Variants in ERP44 observed in about 807,000 individuals in gnomAD.
ERP44 encodes endoplasmic reticulum resident protein 44.
ERP44 carries 25 observed loss-of-function variants against 53.4 expected under a neutral mutation model. That is an observed-to-expected ratio of 0.47 (90% CI 0.34 to 0.65). The LOEUF (loss-of-function observed/expected upper bound fraction) is 0.65. ERP44 is among the 30% of genes least tolerant of loss of function. The pLI is 0.01. For synonymous variants in ERP44, 145 were observed against 161.2 expected (o/e 0.90, Z 0.76); for missense variants, 338 against 493.2 (o/e 0.69, Z 2.98).
chr9:100,025,150 C>T (rs979532436), intron 4 of ERP44, among the ~76,000 whole-genome samples: 1 of 152,114 alleles, frequency 6.6e-6, no homozygotes, highest in African/African-American at 2.4e-5. Flanking sequence ...AGCCTTTCCA[C>T]AAAGAAAACT....
At position 100,022,093 on chromosome 9, in the gene ERP44, T is replaced by C. The variant is rs1587965525; in HGVS notation, c.420A>G (p.Lys140=). Residue 140 remains lysine (K), a synonymous_variant, in exon 5 of 12, where the codon AAA becomes AAG. Transcript: ENST00000262455. The part of the protein sequence containing the change: ...KALADYIRQQ[K]SDPIQEIRDL... ...CCCGAATTTCTTGAATGGGGTCACT[T>C]TTTTGTTGCCTGATGTAATCTGCCA... is the stretch of plus-strand genomic sequence containing the variant. 1.9e-6 allele frequency: 3 copies of C among 1,613,944 alleles called. No homozygotes were observed. Among genetic ancestry groups the C allele is most frequent in the Non-Finnish European group, 2.5e-6 (3 of 1,179,910 alleles).
chr9:99,989,895 G>T (rs1318765967), intron 10 of ERP44, among the ~76,000 whole-genome samples: 1 of 152,166 alleles, frequency 6.6e-6, no homozygotes, highest in Admixed American at 6.5e-5. Context: ...TACAGTAGCC[G>T]ATTCGATCCA....
rs764876448 is a variant in ERP44 at position 100,022,085 on chromosome 9, G to C, written c.428C>G (p.Pro143Arg). Residue 143 changes from proline (P) to arginine (R), a missense_variant, in exon 5 of 12, where the codon CCC (proline) becomes CGC (arginine). Transcript: ENST00000262455. The part of the protein sequence containing the change: ...ADYIRQQKSD[P>R]IQEIRDLAEI... ...TGCTAAGTCCCGAATTTCTTGAATG[G>C]GGTCACTTTTTTGTTGCCTGATGTA... The C allele has an allele frequency of 8.1e-6, 13 of 1,613,592 alleles. No individual in the cohort carries two copies. The highest frequency in any genetic ancestry group is 1.1e-5 in the Non-Finnish European group (13 of 1,179,832).
At chr9:100,084,235 T>TTATA (rs2118752320) in intron 1 of ERP44, among the ~76,000 whole-genome samples, 1 of 152,264 alleles carries the variant, frequency 6.6e-6, no homozygotes, top group Admixed American at 6.5e-5. Flanking sequence ...GCTCTTCTAT[T>TTATA]TATAATCTTT....
intron 1 of ERP44, among the ~76,000 whole-genome samples, chr9:100,066,859 C>T (rs1388432180): frequency 6.6e-6 from 1 of 152,142 alleles, no homozygotes; most frequent in East Asian, 1.9e-4. Context: ...ACTATAAGGG[C>T]CTTGAAGTTG....
chr9:100,017,682 TA>T (rs1239935010), intron 7 of ERP44, among the ~76,000 whole-genome samples: 8 of 152,110 alleles, frequency 5.3e-5, no homozygotes, highest in Middle Eastern at 3.4e-3. Flanking sequence ...TTTTGGTATG[TA>T]AAAAAAATTG....
At chr9:100,096,315 T>C (rs1159563074) in intron 1 of ERP44, among the ~76,000 whole-genome samples, 1 of 152,044 alleles carries the variant, frequency 6.6e-6, no homozygotes, top group African/African-American at 2.4e-5. Flanking sequence ...AAACCCACCT[T>C]AGATAGGAAG....
At chr9:99,989,235 TG>T (rs1830228787) in intron 10 of ERP44, among the ~76,000 whole-genome samples, 1 of 152,212 alleles carries the variant, frequency 6.6e-6, no homozygotes, top group South Asian at 2.1e-4. Context: ...CCTCCTCAAG[TG>T]GGTCCCTGAC....
intron 10 of ERP44, among the ~76,000 whole-genome samples, chr9:99,995,814 A>G (rs1021713555): frequency 5.3e-5 from 8 of 152,146 alleles, no homozygotes; most frequent in African/African-American, 1.9e-4. Flanking sequence ...GCCTATTGTG[A>G]ATAATGCTGC....
At chr9:100,090,459 AC>A (rs1403167001) in intron 1 of ERP44, among the ~76,000 whole-genome samples, 14 of 152,178 alleles carry the variant, frequency 9.2e-5, no homozygotes, top group African/African-American at 3.4e-4. Context: ...TTCAAATACA[AC>A]AAAACAGGCC....
At chr9:100,091,384 T>C (rs1163369357) in intron 1 of ERP44, among the ~76,000 whole-genome samples, 1 of 152,202 alleles carries the variant, frequency 6.6e-6, no homozygotes, top group Non-Finnish European at 1.5e-5. Flanking sequence ...AATGGACTAA[T>C]CTGAAGGCTA....
At chr9:100,076,456 T>C (rs1040203560) in intron 1 of ERP44, among the ~76,000 whole-genome samples, 3 of 152,270 alleles carry the variant, frequency 2.0e-5, no homozygotes, top group South Asian at 4.1e-4. Flanking sequence ...TTCTGCATGA[T>C]ATGCAGGCAC....
intron 1 of ERP44, among the ~76,000 whole-genome samples, chr9:100,076,741 T>TGCTCACC (rs1826361085): frequency 1.3e-5 from 2 of 152,194 alleles, no homozygotes; most frequent in Non-Finnish European, 2.9e-5. Flanking sequence ...ATTGTGAAGA[T>TGCTCACC]ATTTGTATCC....
chr9:100,026,920 C>T (rs1044275326), intron 4 of ERP44, among the ~76,000 whole-genome samples: 31 of 152,268 alleles, frequency 2.0e-4, no homozygotes, highest in African/African-American at 7.0e-4. Flanking sequence ...TGAAAATGGA[C>T]AGCAAGATGC....
At chr9:100,005,433 T>C (rs1442944673) in intron 10 of ERP44, among the ~76,000 whole-genome samples, 1 of 152,230 alleles carries the variant, frequency 6.6e-6, no homozygotes, top group South Asian at 2.1e-4. Context: ...ACAGAAGAGA[T>C]AGCTAAATAT....
intron 3 of ERP44, among the ~76,000 whole-genome samples, chr9:100,056,351 T>A (rs1263832852): frequency 6.6e-6 from 1 of 152,252 alleles, no homozygotes; most frequent in African/African-American, 2.4e-5. Context: ...TATCTTCAAC[T>A]TTTTACTAAA....
At chr9:100,076,388 G>A (rs1041026564) in intron 1 of ERP44, among the ~76,000 whole-genome samples, 3 of 152,190 alleles carry the variant, frequency 2.0e-5, no homozygotes, top group Non-Finnish European at 4.4e-5. Flanking sequence ...GCCTCATGGG[G>A]AGTTCCCTAT....
intron 10 of ERP44, among the ~76,000 whole-genome samples, chr9:99,996,908 C>CATAT (rs746292113): frequency 0.023 from 512 of 22,472 alleles, 4 homozygotes; most frequent in African/African-American, 0.14. Flanking sequence ...TATATATATA[C>CATAT]ATATATATAT....
intron 1 of ERP44, among the ~76,000 whole-genome samples, chr9:100,087,198 T>C (rs1826495153): frequency 6.6e-6 from 1 of 151,954 alleles, no homozygotes; most frequent in African/African-American, 2.4e-5. Flanking sequence ...TAAGCTTTTT[T>C]CAAAATAATA....
Sources: gnomAD v4.1 joint callset for allele counts (sites outside exome capture counted in the v4.1 genomes callset) on GRCh38, gnomAD v4.1.1 for gene constraint, MANE v1.5 for transcripts, NCBI Gene and HGNC (gene_info 2026-07-23, HGNC 2026-07-21) for gene names.